CNTN5: variants seen among roughly 807,000 people sequenced by gnomAD.
CNTN5 encodes contactin-5.
A neutral mutation model predicts 129.1 loss-of-function variants in CNTN5; 77 were observed. The ratio of observed to expected loss-of-function variants is 0.60; its 90% CI spans 0.50 to 0.72. CNTN5 has a LOEUF of 0.72. CNTN5 is among the 30% of genes least tolerant of loss of function. CNTN5 has a pLI of 0.00. For synonymous variants in CNTN5, 509 were observed against 465.6 expected, an observed-to-expected ratio of 1.09 and a Z score of -1.20; for missense variants, 1,478 against 1,328.8, an observed-to-expected ratio of 1.11 and a Z score of -1.75.
chr11:99,444,864 G>A (rs1316868719), intron 2 of CNTN5, among the ~76,000 whole-genome samples: 1 of 151,594 alleles, frequency 6.6e-6, no homozygotes, highest in Admixed American at 6.6e-5. Context: ...CATAAATAAA[G>A]AATATCACCA....
chr11:99,464,490 T>C (rs1205239582), intron 2 of CNTN5, among the ~76,000 whole-genome samples: 1 of 152,168 alleles, frequency 6.6e-6, no homozygotes. Context: ...TTATAGGTGA[T>C]GAGTATAAAA....
rs188056779 is a variant in CNTN5, at chr11:100,135,521, C to T, written c.1581-55605C>T. 3.9e-5 allele frequency among the ~76,000 whole-genome samples: 6 copies of T among 152,174 alleles called. No individual in the cohort carries two copies. The East Asian group carries it at 1.2e-3, about 29-fold the overall frequency. On this transcript the variant is annotated intron_variant, in intron 13 of 24. Transcript: ENST00000524871. ...TTATATTTAAATCCCTCAGATAAAA[C>T]AAGTGTGCCTCTTACCATAAAATTG...
chr11:100,012,045 T>A (rs1940563998), intron 9 of CNTN5, among the ~76,000 whole-genome samples: 1 of 152,188 alleles, frequency 6.6e-6, no homozygotes, highest in African/African-American at 2.4e-5. Flanking sequence ...GTGGTATTTG[T>A]CTATCAAACT....
Position 99,556,051 on chromosome 11 carries a change from T to C in CNTN5, c.-70-94T>C, listed in dbSNP as rs370337208. On this transcript the variant is annotated intron_variant, in intron 2 of 24. Coordinates refer to ENST00000524871, the MANE Select transcript of CNTN5 (RefSeq NM_014361.4). ...CCTTTGCACTAATGGTTATTTATCA[T>C]GTTATTAGGAGATTTTTGCATTGGT... 28 of 434,212 alleles carry C rather than the reference T, an allele frequency of 6.4e-5. No homozygotes were observed. In the East Asian group the frequency reaches 9.1e-4, roughly 14 times the overall value. 26.9% of individuals were successfully genotyped at this position (434,212 alleles called of 1,614,324 possible). A position where few individuals can be genotyped will look rare whatever the true frequency, so the allele number is the denominator to read the frequency against.
At chr11:99,103,597 T>C (rs1866846611) in intron 1 of CNTN5, among the ~76,000 whole-genome samples, 1 of 151,884 alleles carries the variant, frequency 6.6e-6, no homozygotes, top group Non-Finnish European at 1.5e-5. Context: ...GTGTAGTGAG[T>C]TGAATTGTGC....
intron 3 of CNTN5, among the ~76,000 whole-genome samples, chr11:99,565,887 G>A (rs1948989218): frequency 6.6e-6 from 1 of 152,076 alleles, no homozygotes; most frequent in Non-Finnish European, 1.5e-5. Flanking sequence ...CCTATAGGTG[G>A]AACACAAAAC....
chr11:99,318,916 G>T (rs1591516220), intron 1 of CNTN5, among the ~76,000 whole-genome samples: 1 of 152,136 alleles, frequency 6.6e-6, no homozygotes, highest in East Asian at 1.9e-4. Context: ...AAATATGAAG[G>T]TTTGGTATTA....
intron 1 of CNTN5, among the ~76,000 whole-genome samples, chr11:99,236,908 A>T (rs1295130871): frequency 6.6e-6 from 1 of 151,920 alleles, no homozygotes; most frequent in Admixed American, 6.6e-5. Flanking sequence ...TATTCCAATA[A>T]TATCTTATAT....
chr11:99,540,480 A>G lies in CNTN5; in HGVS notation c.-70-15665A>G, dbSNP rs150767177. Among the ~76,000 whole-genome samples the G allele has an allele frequency of 1.3e-3, 202 of 152,302 alleles. 7 individuals are homozygous for G. In the East Asian group the frequency reaches 0.035, roughly 27 times the overall value. On this transcript the variant is annotated intron_variant, in intron 2 of 24. Coordinates refer to ENST00000524871, the MANE Select transcript of CNTN5 (RefSeq NM_014361.4). The stretch of plus-strand genomic sequence containing the variant: ...CAGGTTCAGATCAGGAGACACACTC[A>G]TAATTGCTATATTATTATAACATAG...
intron 10 of CNTN5, among the ~76,000 whole-genome samples, chr11:100,068,358 G>T (rs893043803): frequency 6.6e-6 from 1 of 152,144 alleles, no homozygotes; most frequent in African/African-American, 2.4e-5. Flanking sequence ...CTTTGAGGCT[G>T]TGATTAATAC....
chr11:99,784,068 A>G (rs1264055612), intron 3 of CNTN5, among the ~76,000 whole-genome samples: 1 of 152,170 alleles, frequency 6.6e-6, no homozygotes, highest in African/African-American at 2.4e-5. Context: ...AAATGTATGT[A>G]CACATAGTAT....
rs897663636 is a variant in CNTN5 at position 100,250,853 on chromosome 11, G to C, written c.2006-4907G>C. Among the ~76,000 whole-genome samples the C allele has an allele frequency of 6.6e-5, 10 of 152,172 alleles. 1 individual carries two copies. Among genetic ancestry groups the C allele is most frequent in the African/African-American group, 2.4e-4 (10 of 41,562 alleles). On this transcript the variant is annotated intron_variant, in intron 16 of 24. Transcript: ENST00000524871. ...TCATAGAACTTTAATACTCAGAGAG[G>C]CAAATTATTTTATTTAAATTAACAA... is the stretch of plus-strand genomic sequence containing the variant.
chr11:100,255,940 T>A lies in CNTN5; in HGVS notation c.2164+22T>A, dbSNP rs760019514. The A allele has an allele frequency of 8.1e-6, 13 of 1,611,840 alleles. No individual in the cohort carries two copies. The East Asian group carries it at 1.3e-4, about 17-fold the overall frequency. Reference sequence around the variant, plus strand: ...ACAGGTAAGAGGCACTAAAGCAACATCAGATATAACCAGAGTGGCCTTCTA... The same window carrying A: ...ACAGGTAAGAGGCACTAAAGCAACAACAGATATAACCAGAGTGGCCTTCTA... On this transcript the variant is annotated intron_variant, in intron 17 of 24. Coordinates refer to ENST00000524871, the MANE Select transcript of CNTN5 (RefSeq NM_014361.4).
chr11:99,432,170 G>A (rs550665882), intron 2 of CNTN5, among the ~76,000 whole-genome samples: 3 of 152,070 alleles, frequency 2.0e-5, no homozygotes, highest in South Asian at 2.1e-4. Flanking sequence ...ACTCAATTGC[G>A]GGCCTAAGAT....
chr11:99,427,926 T>A (rs188459437), intron 2 of CNTN5, among the ~76,000 whole-genome samples: 22 of 152,160 alleles, frequency 1.4e-4, no homozygotes, highest in African/African-American at 5.3e-4. Flanking sequence ...TATTAATAAT[T>A]TCCTTTTAAT....
chr11:99,102,199 G>A (rs1292859534), intron 1 of CNTN5, among the ~76,000 whole-genome samples: 1 of 152,034 alleles, frequency 6.6e-6, no homozygotes, highest in Non-Finnish European at 1.5e-5. Flanking sequence ...AGACAGCAGG[G>A]GGTTCTGGGC....
chr11:99,386,261 G>T (rs1466035528), intron 2 of CNTN5, among the ~76,000 whole-genome samples: 2 of 152,202 alleles, frequency 1.3e-5, no homozygotes, highest in African/African-American at 4.8e-5. Flanking sequence ...ACACAAGAAA[G>T]AATTCAGGAT....
At chr11:99,557,951 C>G in intron 3 of CNTN5, among the ~76,000 whole-genome samples, 1 of 151,482 alleles carries the variant, frequency 6.6e-6, no homozygotes. Flanking sequence ...AACAAAAAAC[C>G]AAGTAATTAT....
intron 3 of CNTN5, among the ~76,000 whole-genome samples, chr11:99,688,850 A>G (rs1269760018): frequency 2.6e-5 from 4 of 152,178 alleles, no homozygotes; most frequent in African/African-American, 9.7e-5. Context: ...AGGTGAGAAC[A>G]TGCAGTATTT....
Sources: allele counts gnomAD v4.1 joint callset (sites outside exome capture counted in the v4.1 genomes callset), GRCh38; gene constraint gnomAD v4.1.1; transcripts MANE v1.5; gene names NCBI Gene and HGNC (gene_info 2026-07-23, HGNC 2026-07-21).